CERS6: variants seen among roughly 807,000 people sequenced by gnomAD.
CERS6 encodes ceramide synthase 6.
A neutral mutation model predicts 56.8 loss-of-function variants in CERS6; 26 were observed. That is an observed-to-expected ratio of 0.46 (90% CI 0.34 to 0.63). The LOEUF (loss-of-function observed/expected upper bound fraction) is 0.63, where lower values mean the gene tolerates loss of function less well. Ranked by LOEUF, CERS6 falls within the 30% of genes least tolerant of loss-of-function variation. The pLI is 0.01. For synonymous variants in CERS6, 164 were observed against 173.3 expected (o/e 0.95, Z 0.42); for missense variants, 415 against 467.5 (o/e 0.89, Z 1.04).
At chr2:168,579,256 A>T (rs1191423387) in intron 3 of CERS6, among the ~76,000 whole-genome samples, 1 of 152,196 alleles carries the variant, frequency 6.6e-6, no homozygotes, top group Non-Finnish European at 1.5e-5. Context: ...TGTGATTGTC[A>T]AGGAGCCCGT....
At chr2:168,505,685 G>A (rs10167161) in intron 1 of CERS6, among the ~76,000 whole-genome samples, 9,247 of 152,162 alleles carry the variant, frequency 0.061, 494 homozygotes, top group East Asian at 0.18. Context: ...TTAAAGATCA[G>A]TTTCTCCCAA....
At chr2:168,541,133 AGCTCTT>A (rs1462760890) in intron 1 of CERS6, among the ~76,000 whole-genome samples, 1 of 152,130 alleles carries the variant, frequency 6.6e-6, no homozygotes, top group Non-Finnish European at 1.5e-5. Flanking sequence ...TTAATAAACC[AGCTCTT>A]GTGGAAACTC....
At chr2:168,615,561 G>T (rs562979702) in intron 3 of CERS6, among the ~76,000 whole-genome samples, 1 of 148,108 alleles carries the variant, frequency 6.8e-6, no homozygotes, top group South Asian at 2.2e-4. Context: ...ATGCACGAAA[G>T]AAATGCAAAA....
intron 1 of CERS6, among the ~76,000 whole-genome samples, chr2:168,496,204 T>G (rs1442190352): frequency 6.6e-6 from 1 of 152,244 alleles, no homozygotes; most frequent in Non-Finnish European, 1.5e-5. Context: ...ATACTTAGGT[T>G]GTTTCTAGTA....
At chr2:168,496,504 T>G (rs1346782145) in intron 1 of CERS6, among the ~76,000 whole-genome samples, 1 of 152,134 alleles carries the variant, frequency 6.6e-6, no homozygotes, top group African/African-American at 2.4e-5. Flanking sequence ...TCTTGTCTTT[T>G]GGGTCCCCAC....
At chr2:168,497,432 A>T (rs1226129453) in intron 1 of CERS6, among the ~76,000 whole-genome samples, 2 of 152,178 alleles carry the variant, frequency 1.3e-5, no homozygotes, top group Non-Finnish European at 2.9e-5. Flanking sequence ...AAAAGAAAGA[A>T]AGATAGATAC....
intron 4 of CERS6, among the ~76,000 whole-genome samples, chr2:168,659,786 CACTG>C (rs1375530565): frequency 6.6e-6 from 1 of 152,026 alleles, no homozygotes; most frequent in Non-Finnish European, 1.5e-5. Flanking sequence ...GTACCTGACA[CACTG>C]ACTGGCACAC....
intron 4 of CERS6, among the ~76,000 whole-genome samples, chr2:168,638,805 C>T (rs1442521710): frequency 6.6e-6 from 1 of 152,138 alleles, no homozygotes; most frequent in African/African-American, 2.4e-5. Context: ...AGATTGACAG[C>T]TTTCTTCAGG....
chr2:168,590,549 T>C (rs912382776), intron 3 of CERS6, among the ~76,000 whole-genome samples: 2 of 152,130 alleles, frequency 1.3e-5, no homozygotes, highest in African/African-American at 2.4e-5. Flanking sequence ...TATGTAAGAG[T>C]ATATAAAAGT....
rs1684920137 is a variant in CERS6 at position 168,773,558 on chromosome 2, T to C, written c.*3896T>C. On this transcript the variant is annotated 3_prime_UTR_variant, in exon 10 of 10. Transcript: ENST00000305747. ...GTGATCACATGGCAGTTGCAGTAAC[T>C]TGTATGGAAAGAGAAAATGCAATGA... 1 of 152,180 alleles carries C rather than the reference T, an allele frequency of 6.6e-6. No homozygotes were observed. Among genetic ancestry groups the C allele is most frequent in the South Asian group, 2.1e-4 (1 of 4,830 alleles). 9.4% of individuals were successfully genotyped at this position (152,180 alleles called of 1,614,324 possible).
At chr2:168,516,727 G>C (rs928176163) in intron 1 of CERS6, among the ~76,000 whole-genome samples, 1 of 152,160 alleles carries the variant, frequency 6.6e-6, no homozygotes, top group African/African-American at 2.4e-5. Flanking sequence ...TGTGACCTTA[G>C]GCCTGGAAAG....
chr2:168,689,380 T>A (rs1056541996), intron 4 of CERS6, among the ~76,000 whole-genome samples: 7 of 152,300 alleles, frequency 4.6e-5, no homozygotes, highest in African/African-American at 1.7e-4. Flanking sequence ...AGTAAATTGA[T>A]CTGTATCATG....
chr2:168,722,548 T>G (rs1683213819), intron 8 of CERS6, among the ~76,000 whole-genome samples: 1 of 152,224 alleles, frequency 6.6e-6, no homozygotes, highest in African/African-American at 2.4e-5. Flanking sequence ...ATTGCTTTTA[T>G]TATGATCATC....
In CERS6 at chr2:168,681,044, G is replaced by T. The variant is rs193268936; in HGVS notation, c.466-9990G>T. Among the ~76,000 whole-genome samples the T allele has an allele frequency of 2.5e-3, 385 of 152,318 alleles. 3 individuals are homozygous for T. The highest frequency in any genetic ancestry group is 3.4e-3 in the Non-Finnish European group (232 of 68,032). On this transcript the variant is annotated intron_variant, in intron 4 of 9. Coordinates refer to ENST00000305747, the MANE Select transcript of CERS6 (RefSeq NM_203463.3). ...CATCTTCATGTCCAGCCCAGTACCT[G>T]ATGCATGGTAGGCACTCAATTAATA...
chr2:168,562,250 G>A (rs1447943093), intron 3 of CERS6, among the ~76,000 whole-genome samples: 2 of 152,146 alleles, frequency 1.3e-5, no homozygotes, highest in East Asian at 1.9e-4. Flanking sequence ...GTGTTTCAGT[G>A]TGAAGGGGTG....
At position 168,646,228 on chromosome 2, in the gene CERS6, C is replaced by T. The variant is rs528966627; in HGVS notation, c.465+15186C>T. Among the ~76,000 whole-genome samples, 3 of 152,288 alleles carry T rather than the reference C, an allele frequency of 2.0e-5. No individual in the cohort carries two copies. In the South Asian group the frequency reaches 6.2e-4, roughly 32 times the overall value. Reference sequence around the variant, plus strand: ...TTACTTGTTGACTTTTCAAAAACAGCTATTCTGACTGGTGTGAGATGGTAT... The same window carrying T: ...TTACTTGTTGACTTTTCAAAAACAGTTATTCTGACTGGTGTGAGATGGTAT... On this transcript the variant is annotated intron_variant, in intron 4 of 9. Coordinates refer to ENST00000305747, the MANE Select transcript of CERS6 (RefSeq NM_203463.3).
In CERS6 at chr2:168,574,717, C is replaced by CG. The variant is rs1553493861; in HGVS notation, c.407+13395_407+13396insG. 3.0e-3 allele frequency among the ~76,000 whole-genome samples: 450 copies of CG among 152,236 alleles called. 9 individuals are homozygous for CG. Among genetic ancestry groups the CG allele is most frequent in the African/African-American group, 0.01 (428 of 41,550 alleles). ...CAATTCAATTAGTATTAAGGGCTGC[C>CG]AAATGAATTGAATTCACCTACCTAA... On this transcript the variant is annotated intron_variant, in intron 3 of 9. Transcript: ENST00000305747.
At chr2:168,584,419 T>C (rs1483791177) in intron 3 of CERS6, among the ~76,000 whole-genome samples, 1 of 152,204 alleles carries the variant, frequency 6.6e-6, no homozygotes, top group Non-Finnish European at 1.5e-5. Context: ...GTGTAATATG[T>C]GTGAGAGAGA....
In CERS6 at chr2:168,775,098, AAACAC is replaced by A. The variant is rs1275129527; in HGVS notation, c.*5437_*5441del. The A allele has an allele frequency of 2.6e-5, 4 of 152,338 alleles. No homozygotes were observed. The highest frequency in any genetic ancestry group is 5.9e-5 in the Non-Finnish European group (4 of 68,034). 9.4% of individuals were successfully genotyped at this position (152,338 alleles called of 1,614,324 possible). On this transcript the variant is annotated 3_prime_UTR_variant, in exon 10 of 10. Coordinates refer to ENST00000305747, the MANE Select transcript of CERS6 (RefSeq NM_203463.3). Reference sequence around the variant, plus strand: ...TATTATGAGGATCATTTTACTTTGGAAACACTTTCATAATAAAGATAAGTATTAAG... The same window carrying A: ...TATTATGAGGATCATTTTACTTTGGATTTCATAATAAAGATAAGTATTAAG...
Sources: allele counts gnomAD v4.1 joint callset (sites outside exome capture counted in the v4.1 genomes callset), GRCh38; gene constraint gnomAD v4.1.1; transcripts MANE v1.5; gene names NCBI Gene and HGNC (gene_info 2026-07-23, HGNC 2026-07-21).